The following UBR3 variants were observed in gnomAD, a reference collection of about 807,000 sequenced individuals.
UBR3 encodes E3 ubiquitin-protein ligase UBR3.
UBR3 carries 85 observed loss-of-function variants against 243.2 expected under a neutral mutation model. That is an observed-to-expected ratio of 0.35 (90% CI 0.29 to 0.42). The LOEUF (loss-of-function observed/expected upper bound fraction) is 0.42. Among genes scored for constraint, UBR3 ranks in the 10% least tolerant of loss-of-function variants. UBR3 has a pLI of 1.00. For missense variants in UBR3, 1,686 were observed against 2,300.8 expected (o/e 0.73, Z 5.47); for synonymous variants, 748 against 799.8 (o/e 0.94, Z 1.09).
At chr2:169,852,688 C>CAAA (rs34608160) in intron 1 of UBR3, among the ~76,000 whole-genome samples, 3 of 99,366 alleles carry the variant, frequency 3.0e-5, no homozygotes, top group East Asian at 2.5e-4. Flanking sequence ...ACTAAAAATA[C>CAAA]AAAAAAAAAA....
At chr2:170,066,595 A>C (rs2091572865) in intron 35 of UBR3, among the ~76,000 whole-genome samples, 1 of 152,194 alleles carries the variant, frequency 6.6e-6, no homozygotes, top group East Asian at 1.9e-4. Context: ...CCCATGAAAA[A>C]ATAATGATAG....
rs140537851 is a variant in UBR3 at position 169,944,663 on chromosome 2, T to A, written c.2806-1625T>A. On this transcript the variant is annotated intron_variant, in intron 20 of 38. Coordinates refer to ENST00000272793, the MANE Select transcript of UBR3 (RefSeq NM_172070.4). The stretch of plus-strand genomic sequence containing the variant: ...TGTTTAATGTCAAAATAAAACTCCC[T>A]GGAAACATCATTTTTATTTCTTTTT... Among the ~76,000 whole-genome samples, 50 of 151,940 alleles carry A rather than the reference T, an allele frequency of 3.3e-4. No individual in the cohort carries two copies. In the East Asian group the frequency reaches 9.1e-3, roughly 28 times the overall value.
chr2:169,829,814 T>TAC (rs10530118), intron 1 of UBR3, among the ~76,000 whole-genome samples: 23,217 of 148,962 alleles, frequency 0.16, 1,949 homozygotes, highest in South Asian at 0.24. Flanking sequence ...AGCTAAAAAG[T>TAC]ACACACACAC....
At chr2:170,023,793 G>T (rs958574702) in intron 30 of UBR3, among the ~76,000 whole-genome samples, 1 of 151,786 alleles carries the variant, frequency 6.6e-6, no homozygotes, top group Non-Finnish European at 1.5e-5. Context: ...GGGTTTCACC[G>T]TCTTGAACTC....
At chr2:169,866,384 G>C (rs1299450411) in intron 1 of UBR3, among the ~76,000 whole-genome samples, 4 of 148,848 alleles carry the variant, frequency 2.7e-5, no homozygotes, top group Non-Finnish European at 5.9e-5. Flanking sequence ...TTTTTTTTGA[G>C]ATGAAGTCTT....
chr2:169,903,445 G>A (rs1439205809), intron 8 of UBR3, among the ~76,000 whole-genome samples: 3 of 152,188 alleles, frequency 2.0e-5, no homozygotes, highest in African/African-American at 7.2e-5. Flanking sequence ...GTCATGGCCA[G>A]GGGTTAGTAT....
At chr2:169,968,385 T>A (rs1379919984) in intron 24 of UBR3, among the ~76,000 whole-genome samples, 1 of 152,170 alleles carries the variant, frequency 6.6e-6, no homozygotes, top group Non-Finnish European at 1.5e-5. Context: ...TAACCATCAT[T>A]TTGCTGTCTA....
At chr2:169,861,219 ATACTTCG>A (rs909635403) in intron 1 of UBR3, among the ~76,000 whole-genome samples, 6 of 152,220 alleles carry the variant, frequency 3.9e-5, no homozygotes, top group Non-Finnish European at 7.3e-5. Flanking sequence ...CCCAGGAACA[ATACTTCG>A]TATCCAATCA....
chr2:169,938,902 A>G (rs1451148276), intron 19 of UBR3, among the ~76,000 whole-genome samples: 1 of 152,042 alleles, frequency 6.6e-6, no homozygotes, highest in African/African-American at 2.4e-5. Flanking sequence ...GTTTTAATAG[A>G]CCTTGCCTGT....
intron 24 of UBR3, among the ~76,000 whole-genome samples, chr2:169,984,647 T>C (rs1373989337): frequency 6.6e-6 from 1 of 152,156 alleles, no homozygotes; most frequent in Non-Finnish European, 1.5e-5. Flanking sequence ...TTACTAAAAA[T>C]GTCAGAATTT....
chr2:170,002,445 T>A (rs1183218743), intron 27 of UBR3, among the ~76,000 whole-genome samples: 1 of 152,234 alleles, frequency 6.6e-6, no homozygotes, highest in Non-Finnish European at 1.5e-5. Flanking sequence ...CATTTCCTCT[T>A]AACAGATTCT....
chr2:169,846,484 G>T (rs1419464376), intron 1 of UBR3, among the ~76,000 whole-genome samples: 1 of 152,090 alleles, frequency 6.6e-6, no homozygotes, highest in Non-Finnish European at 1.5e-5. Flanking sequence ...GGCCAAGGTG[G>T]GTGGATCACA....
At chr2:170,003,830 C>T (rs1473235725) in intron 27 of UBR3, among the ~76,000 whole-genome samples, 2 of 152,086 alleles carry the variant, frequency 1.3e-5, no homozygotes, top group Non-Finnish European at 2.9e-5. Context: ...TTAGCAGAGA[C>T]GGGGTTTCAC....
intron 18 of UBR3, among the ~76,000 whole-genome samples, chr2:169,931,234 C>T (rs962026486): frequency 6.6e-6 from 1 of 151,338 alleles, no homozygotes; most frequent in Non-Finnish European, 1.5e-5. Context: ...ACCTGTAGTC[C>T]CAGCAACTCA....
chr2:169,894,423 T>C (rs1310018894), intron 6 of UBR3, among the ~76,000 whole-genome samples: 11 of 148,884 alleles, frequency 7.4e-5, no homozygotes. Context: ...ACCACTGAAA[T>C]GGAATTAGGG....
At chr2:169,989,932 C>T (rs892819237) in intron 25 of UBR3, among the ~76,000 whole-genome samples, 1 of 152,062 alleles carries the variant, frequency 6.6e-6, no homozygotes, top group African/African-American at 2.4e-5. Flanking sequence ...AGCCTTGGGT[C>T]TTTCTACATT....
chr2:169,831,107 T>TTTTATATATATATATATATATATA (rs1553486390), intron 1 of UBR3, among the ~76,000 whole-genome samples: 1 of 28,738 alleles, frequency 3.5e-5, no homozygotes, highest in African/African-American at 8.6e-5. Flanking sequence ...AGTTGGTACA[T>TTTTATATATATATATATATATATA]TATATATATA....
rs6723655 is a variant in UBR3, at chr2:169,927,494, T to G, written c.2424+89T>G. 1,049 of 1,050,556 alleles carry G rather than the reference T, an allele frequency of 1.0e-3. 6 individuals are homozygous for G. The African/African-American group carries it at 0.015, about 15-fold the overall frequency. 65.1% of individuals were successfully genotyped at this position (1,050,556 alleles called of 1,614,324 possible). ...AATAGTTTATCAATTTTTTGATTAA[T>G]TTTTTTTCAAAGTTGAAAAATAATA... is the stretch of plus-strand genomic sequence containing the variant. On this transcript the variant is annotated intron_variant, in intron 17 of 38. Transcript: ENST00000272793.
At chr2:169,828,910 T>A (rs2081836433) in intron 1 of UBR3, among the ~76,000 whole-genome samples, 1 of 152,168 alleles carries the variant, frequency 6.6e-6, no homozygotes. Context: ...GAAAAGACAT[T>A]TCAGAGTTTG....
Sources: allele counts gnomAD v4.1 joint callset (sites outside exome capture counted in the v4.1 genomes callset), GRCh38; gene constraint gnomAD v4.1.1; transcripts MANE v1.5; gene names NCBI Gene and HGNC (gene_info 2026-07-23, HGNC 2026-07-21).